RBFOX1: variants seen among roughly 807,000 people sequenced by gnomAD.
RBFOX1 encodes the protein RNA binding protein fox-1 homolog 1.
Under a neutral mutation model 57.7 loss-of-function variants are expected in RBFOX1, and 8 were observed. That is an observed-to-expected ratio of 0.14 (90% CI 0.08 to 0.25). The LOEUF is 0.25. RBFOX1 is among the 10% of genes least tolerant of loss of function. The probability of loss-of-function intolerance (pLI) is 1.00; values close to 1 mark genes in which losing one functional copy is unlikely to be tolerated. For synonymous variants in RBFOX1, 326 were observed against 222.4 expected (o/e 1.47, Z -4.15); for missense variants, 611 against 548.5 (o/e 1.11, Z -1.14).
intron 3 of RBFOX1, among the ~76,000 whole-genome samples, chr16:5,806,121 G>C (rs1221954132): frequency 6.6e-6 from 1 of 152,150 alleles, no homozygotes; most frequent in Non-Finnish European, 1.5e-5. Flanking sequence ...TTTACTAGCA[G>C]ACCTGCCTTC....
intron 1 of RBFOX1, among the ~76,000 whole-genome samples, chr16:5,330,482 A>G (rs1013530346): frequency 2.4e-4 from 36 of 152,088 alleles, no homozygotes; most frequent in Admixed American, 2.2e-3. Context: ...GGCTCACTGC[A>G]TCCTCCGCCT....
chr16:6,812,770 C>G (rs367977085), intron 3 of RBFOX1, among the ~76,000 whole-genome samples: 8 of 152,144 alleles, frequency 5.3e-5, no homozygotes, highest in Non-Finnish European at 1.2e-4. Flanking sequence ...CATTTGTGCT[C>G]ATAAGCGGCA....
intron 4 of RBFOX1, among the ~76,000 whole-genome samples, chr16:5,913,425 C>A (rs2058645337): frequency 6.6e-6 from 1 of 152,126 alleles, no homozygotes; most frequent in Admixed American, 6.5e-5. Context: ...TGGCTTGGTA[C>A]CTTCCCCACA....
intron 1 of RBFOX1, among the ~76,000 whole-genome samples, chr16:6,300,772 C>T (rs376838046): frequency 1.3e-5 from 2 of 152,178 alleles, no homozygotes; most frequent in African/African-American, 4.8e-5. Context: ...GCCACTTTTA[C>T]CAAGTCCATT....
At chr16:5,322,028 AT>A (rs1163691492) in intron 1 of RBFOX1, among the ~76,000 whole-genome samples, 1 of 152,088 alleles carries the variant, frequency 6.6e-6, no homozygotes, top group Non-Finnish European at 1.5e-5. Context: ...CATCCTACAG[AT>A]GAAGAAGCTG....
At chr16:6,663,912 A>C (rs1032734269) in intron 3 of RBFOX1, among the ~76,000 whole-genome samples, 1 of 152,226 alleles carries the variant, frequency 6.6e-6, no homozygotes, top group African/African-American at 2.4e-5. Context: ...GGGCTCAGGC[A>C]GCAGTGGGAA....
chr16:6,301,156 G>T (rs1381047325), intron 1 of RBFOX1, among the ~76,000 whole-genome samples: 2 of 151,914 alleles, frequency 1.3e-5, no homozygotes, highest in African/African-American at 4.8e-5. Context: ...TCTTTAAATT[G>T]TAGACTTATT....
rs1019533030 is a variant in RBFOX1 at position 5,902,958 on chromosome 16, C to G, written c.351+35623C>G. Among the ~76,000 whole-genome samples, 11 of 152,116 alleles carry G rather than the reference C, an allele frequency of 7.2e-5. No individual in the cohort carries two copies. In the South Asian group the frequency reaches 8.3e-4, roughly 11 times the overall value. ...CCTTGCCCTTGTCTCTACTACAGTT[C>G]TTATCTCAGGTAAGTGTTTCTAAAC... On this transcript the variant is annotated intron_variant, in intron 4 of 19. Coordinates refer to the RBFOX1 transcript ENST00000641259.
At chr16:7,460,370 A>AAAAAAAATATAT (rs1251870828) in intron 4 of RBFOX1, among the ~76,000 whole-genome samples, 25 of 76,004 alleles carry the variant, frequency 3.3e-4, no homozygotes, top group African/African-American at 1.6e-3. Flanking sequence ...CATTTAGCAA[A>AAAAAAAATATAT]ATATATATAT....
At chr16:5,441,516 C>T (rs2068083956) in intron 1 of RBFOX1, among the ~76,000 whole-genome samples, 1 of 152,062 alleles carries the variant, frequency 6.6e-6, no homozygotes. Flanking sequence ...AGGCATGTGC[C>T]ACCATGCCTG....
chr16:5,376,204 A>T (rs1567412003), intron 1 of RBFOX1, among the ~76,000 whole-genome samples: 1 of 151,654 alleles, frequency 6.6e-6, no homozygotes, highest in East Asian at 1.9e-4. Context: ...TAATCTGTCC[A>T]AGTTCACAGC....
At chr16:7,120,005 C>G (rs929944705) in intron 4 of RBFOX1, among the ~76,000 whole-genome samples, 5 of 150,938 alleles carry the variant, frequency 3.3e-5, no homozygotes, top group Admixed American at 6.7e-5. Context: ...TTGCTTTCCT[C>G]TGACAAAATT....
rs560830579 is a variant in RBFOX1, at chr16:5,946,396, C to A, written c.351+79061C>A. Reference sequence around the variant, plus strand: ...CGTTTGCTCATGGATGTTTATCAAACACCAACCAAGTGCCGGATGCACTAC... The same window carrying A: ...CGTTTGCTCATGGATGTTTATCAAAAACCAACCAAGTGCCGGATGCACTAC... On this transcript the variant is annotated intron_variant, in intron 4 of 19. Transcript: ENST00000641259. The surrounding 1 kb of genome is among the most constrained non-coding windows in gnomAD (Gnocchi z 4.6). 6.6e-5 allele frequency among the ~76,000 whole-genome samples: 10 copies of A among 152,274 alleles called. No homozygotes were observed. The highest frequency in any genetic ancestry group is 5.9e-4 in the Admixed American group (9 of 15,298).
chr16:6,409,801 C>A (rs749914533), intron 2 of RBFOX1, among the ~76,000 whole-genome samples: 6 of 152,116 alleles, frequency 3.9e-5, no homozygotes, highest in Non-Finnish European at 7.3e-5. Context: ...TCTTCTCTTC[C>A]CCTAGCTGCT....
chr16:6,176,313 ATTTTTTT>A (rs34667158), intron 1 of RBFOX1, among the ~76,000 whole-genome samples: 1 of 95,256 alleles, frequency 1.0e-5, no homozygotes, highest in South Asian at 3.6e-4. Context: ...GCCTGACCAA[ATTTTTTT>A]TTTTTTTTTT....
chr16:7,034,724 C>G (rs1359931041), intron 3 of RBFOX1, among the ~76,000 whole-genome samples: 2 of 151,602 alleles, frequency 1.3e-5, no homozygotes, highest in African/African-American at 4.8e-5. Context: ...ACATCAGTGC[C>G]CCTGTAGATT....
chr16:5,269,628 A>C (rs1181108410), intron 1 of RBFOX1, among the ~76,000 whole-genome samples: 1 of 152,248 alleles, frequency 6.6e-6, no homozygotes, highest in East Asian at 1.9e-4. Flanking sequence ...TTCAGATGGA[A>C]ATCTATAGAA....
At chr16:6,681,827 A>G (rs1204680253) in intron 3 of RBFOX1, among the ~76,000 whole-genome samples, 1 of 152,190 alleles carries the variant, frequency 6.6e-6, no homozygotes, top group Non-Finnish European at 1.5e-5. Context: ...TTCAGCCGGG[A>G]TACTCTAAAG....
chr16:5,875,087 A>G (rs953609360), intron 4 of RBFOX1, among the ~76,000 whole-genome samples: 15 of 152,378 alleles, frequency 9.8e-5, no homozygotes, highest in Non-Finnish European at 1.6e-4. Context: ...ATCCAAAAGC[A>G]CTTAGCGGGG....
Sources: gnomAD v4.1 joint callset for allele counts (sites outside exome capture counted in the v4.1 genomes callset) on GRCh38, gnomAD v4.1.1 for gene constraint, Gnocchi (gnomAD v3.1) non-coding constraint, MANE v1.5 for transcripts, NCBI Gene and HGNC (gene_info 2026-07-23, HGNC 2026-07-21) for gene names.